The following SHLD1 variants were observed in gnomAD, a reference collection of about 807,000 sequenced individuals.
The protein encoded by SHLD1 is shieldin complex subunit 1.
A neutral mutation model predicts 5.5 loss-of-function variants in SHLD1; 3 were observed. That is an observed-to-expected ratio of 0.54 (90% confidence interval 0.25 to 1.40). The LOEUF (loss-of-function observed/expected upper bound fraction) is 1.40, where lower values mean the gene tolerates loss of function less well. Among genes scored for constraint, SHLD1 ranks in the 40% most tolerant of loss-of-function variants. The pLI is 0.15. For missense variants in SHLD1, 210 were observed against 244.4 expected (o/e 0.86, Z 0.94); for synonymous variants, 92 against 94.3 (o/e 0.98, Z 0.14).
intron 2 of SHLD1, among the ~76,000 whole-genome samples, chr20:5,799,762 CT>C (rs1293229159): frequency 6.6e-6 from 1 of 152,040 alleles, no homozygotes; most frequent in Non-Finnish European, 1.5e-5. Context: ...AAGTGTAAGT[CT>C]TTTTAAAAGG....
At chr20:5,789,952 G>A (rs1479450225) in intron 2 of SHLD1, among the ~76,000 whole-genome samples, 12 of 152,226 alleles carry the variant, frequency 7.9e-5, no homozygotes, top group Non-Finnish European at 1.8e-4. Flanking sequence ...CCGGGAAGGG[G>A]AGATTAATAG....
At chr20:5,754,686 GT>G (rs1389164143) in intron 1 of SHLD1, among the ~76,000 whole-genome samples, 5 of 152,244 alleles carry the variant, frequency 3.3e-5, no homozygotes, top group African/African-American at 1.2e-4. Flanking sequence ...TGGGGAGAGG[GT>G]TTCAGGTCAT....
chr20:5,772,711 A>C (rs1273754784), intron 1 of SHLD1, 151 bp from the exon 2 acceptor site: 4 of 691,746 alleles, frequency 5.8e-6, no homozygotes, highest in Non-Finnish European at 9.0e-6. Flanking sequence ...CAGGAGTTCA[A>C]GACCAGCCTG....
At chr20:5,754,033 G>A (rs1161028322) in intron 1 of SHLD1, among the ~76,000 whole-genome samples, 1 of 152,168 alleles carries the variant, frequency 6.6e-6, no homozygotes, top group East Asian at 1.9e-4. Flanking sequence ...CAGAAGTGCT[G>A]GGATTACAGG....
chr20:5,775,580 G>A (rs1012404529), intron 2 of SHLD1, among the ~76,000 whole-genome samples: 3 of 151,882 alleles, frequency 2.0e-5, no homozygotes, highest in African/African-American at 7.3e-5. Flanking sequence ...CAAAAAGGTT[G>A]TTTGGGGAAC....
chr20:5,837,803 T>C (rs746181008), intron 2 of SHLD1, among the ~76,000 whole-genome samples: 14 of 151,402 alleles, frequency 9.2e-5, no homozygotes, highest in Non-Finnish European at 2.1e-4. Context: ...CTAATTTTTC[T>C]TATTTTTTTG....
chr20:5,854,870 C>T (rs1258096195), intron 2 of SHLD1, among the ~76,000 whole-genome samples: 1 of 18,146 alleles, frequency 5.5e-5, no homozygotes, highest in Non-Finnish European at 9.4e-5. Flanking sequence ...GTCTCTATGA[C>T]TCTTTTTTTT....
chr20:5,846,238 C>A (rs151299712), intron 2 of SHLD1, among the ~76,000 whole-genome samples: 1 of 152,116 alleles, frequency 6.6e-6, no homozygotes, highest in African/African-American at 2.4e-5. Flanking sequence ...CCCACAATCT[C>A]CTCTTGAAGG....
chr20:5,777,599 TTA>T (rs201478802), intron 2 of SHLD1, among the ~76,000 whole-genome samples: 3,572 of 108,812 alleles, frequency 0.033, 118 homozygotes, highest in African/African-American at 0.12. Flanking sequence ...AAAAAAAATT[TTA>T]TTTTTTTTTT....
chr20:5,824,198 C>A (rs145025263), intron 2 of SHLD1, among the ~76,000 whole-genome samples: 1 of 152,316 alleles, frequency 6.6e-6, no homozygotes, highest in African/African-American at 2.4e-5. Context: ...CTCACTCCCA[C>A]CTCCGGGATT....
chr20:5,808,841 C>T lies in SHLD1; in HGVS notation c.178+35798C>T, dbSNP rs73071301. The stretch of plus-strand genomic sequence containing the variant: ...TAATGGCTAAGTAACAAAAGATCGC[C>T]TTTATTTGCACAAGAAACATTCTTA... On this transcript the variant is annotated intron_variant, in intron 2 of 2. Transcript: ENST00000303142. Among the ~76,000 whole-genome samples, 1,269 of 152,268 alleles carry T rather than the reference C, an allele frequency of 8.3e-3. 16 individuals are homozygous for T. Among genetic ancestry groups the T allele is most frequent in the Non-Finnish European group, 0.014 (965 of 68,018 alleles).
At chr20:5,859,388 T>C (rs1003267935) in intron 2 of SHLD1, among the ~76,000 whole-genome samples, 2 of 152,194 alleles carry the variant, frequency 1.3e-5, no homozygotes, top group African/African-American at 2.4e-5. Context: ...TAAATGCAAG[T>C]AGCACTTTGC....
intron 2 of SHLD1, among the ~76,000 whole-genome samples, chr20:5,782,792 T>C (rs1048756401): frequency 6.6e-5 from 10 of 152,212 alleles, no homozygotes; most frequent in African/African-American, 2.2e-4. Context: ...CTATAATTCA[T>C]ATTTCTTTGG....
At chr20:5,800,942 G>A (rs888028503) in intron 2 of SHLD1, among the ~76,000 whole-genome samples, 2 of 152,132 alleles carry the variant, frequency 1.3e-5, no homozygotes, top group Non-Finnish European at 2.9e-5. Context: ...CTGTGCATCA[G>A]GAAAGGCTAA....
In SHLD1 at chr20:5,817,432, CTGTGTGTGTG is replaced by C. The variant is rs1190340129; in HGVS notation, c.178+44421_178+44430del. On this transcript the variant is annotated intron_variant, in intron 2 of 2. Coordinates refer to ENST00000303142, the MANE Select transcript of SHLD1 (RefSeq NM_152504.4). Reference sequence around the variant, plus strand: ...TCTCTCTCTCTCTCTCTCTCTCTCTCTGTGTGTGTGTGTGTGTGTGTGTGTGTGTGTGTGT... The same window carrying C: ...TCTCTCTCTCTCTCTCTCTCTCTCTCTGTGTGTGTGTGTGTGTGTGTGTGT... 1.1e-3 allele frequency among the ~76,000 whole-genome samples: 95 copies of C among 85,648 alleles called. 1 individual carries two copies. Among genetic ancestry groups the C allele is most frequent in the African/African-American group, 3.4e-3 (61 of 17,990 alleles). 56.2% of individuals were successfully genotyped at this position (85,648 alleles called of 152,430 possible).
chr20:5,834,467 CT>C (rs1321098374), intron 2 of SHLD1, among the ~76,000 whole-genome samples: 4 of 152,070 alleles, frequency 2.6e-5, no homozygotes, highest in African/African-American at 9.6e-5. Context: ...AAGTAGCATT[CT>C]TTTTTTGTTT....
rs1258738443 is a variant in SHLD1 at position 5,844,795 on chromosome 20, A to ATT, written c.179-18228_179-18227insTT. Among the ~76,000 whole-genome samples, 268 of 105,016 alleles carry ATT rather than the reference A, an allele frequency of 2.6e-3. 3 individuals are homozygous for ATT. The highest frequency in any genetic ancestry group is 6.1e-3 in the African/African-American group (129 of 21,306). The allele number at this position is 105,016 out of a possible 152,430, so 68.9% of individuals were successfully genotyped here. A position where few individuals can be genotyped will look rare whatever the true frequency, so the allele number is the denominator to read the frequency against. ...CATATATATATATATATATATATAT[A>ATT]TATATTTTTTTTTTTTTGAGACACA... On this transcript the variant is annotated intron_variant, in intron 2 of 2. Transcript: ENST00000303142.
At chr20:5,782,642 G>A (rs943998651) in intron 2 of SHLD1, among the ~76,000 whole-genome samples, 3 of 152,112 alleles carry the variant, frequency 2.0e-5, no homozygotes, top group Admixed American at 6.6e-5. Context: ...AGTAAATAGT[G>A]ATTTAATGCA....
intron 2 of SHLD1, among the ~76,000 whole-genome samples, chr20:5,781,305 G>T (rs2086986383): frequency 6.6e-6 from 1 of 152,150 alleles, no homozygotes; most frequent in African/African-American, 2.4e-5. Context: ...GGTCAAGGTG[G>T]GAGGATTGCT....
Sources: gnomAD v4.1 joint callset for allele counts (sites outside exome capture counted in the v4.1 genomes callset) on GRCh38, gnomAD v4.1.1 for gene constraint, MANE v1.5 for transcripts, NCBI Gene and HGNC (gene_info 2026-07-23, HGNC 2026-07-21) for gene names.